Variants in RBFOX1 observed in about 807,000 individuals in gnomAD.
RBFOX1 encodes the protein RNA binding protein fox-1 homolog 1.
A neutral mutation model predicts 57.7 loss-of-function variants in RBFOX1; 8 were observed. The observed-to-expected ratio is 0.14, with a 90% CI of 0.08 to 0.25. The LOEUF is 0.25. Among genes scored for constraint, RBFOX1 ranks in the 10% least tolerant of loss-of-function variants. The pLI, the probability that RBFOX1 is intolerant of heterozygous loss-of-function variation, is 1.00. For missense variants in RBFOX1, 611 were observed against 548.5 expected (o/e 1.11, Z -1.14); for synonymous variants, 326 against 222.4 (o/e 1.47, Z -4.15).
At chr16:7,049,990 C>G (rs936242971) in intron 3 of RBFOX1, among the ~76,000 whole-genome samples, 8 of 152,126 alleles carry the variant, frequency 5.3e-5, no homozygotes, top group Admixed American at 1.3e-4. Context: ...AACCTCATAC[C>G]CATTAAGCAG....
chr16:6,239,687 G>T (rs2097529936), intron 1 of RBFOX1, among the ~76,000 whole-genome samples: 1 of 151,482 alleles, frequency 6.6e-6, no homozygotes, highest in East Asian at 1.9e-4. Context: ...TAGTAGAGAC[G>T]GGGGTTTCAC....
chr16:6,639,183 A>G (rs2098467219), intron 2 of RBFOX1, among the ~76,000 whole-genome samples: 2 of 152,204 alleles, frequency 1.3e-5, no homozygotes, highest in South Asian at 4.1e-4. Flanking sequence ...AGCTCTGTTG[A>G]CCTTCAGCTG....
chr16:5,678,487 G>A (rs1416621409), intron 3 of RBFOX1, among the ~76,000 whole-genome samples: 2 of 152,196 alleles, frequency 1.3e-5, no homozygotes, highest in African/African-American at 4.8e-5. Flanking sequence ...CAAGCGGGTA[G>A]GGCAAGGTCT....
In RBFOX1 at chr16:7,215,705, T is replaced by C. The variant is rs117837300; in HGVS notation, c.27+163607T>C. Among the ~76,000 whole-genome samples, 495 of 149,954 alleles carry C rather than the reference T, an allele frequency of 3.3e-3. 3 individuals are homozygous for C. The highest frequency in any genetic ancestry group is 6.2e-3 in the Non-Finnish European group (422 of 67,794). On this transcript the variant is annotated intron_variant, in intron 4 of 15. Coordinates refer to ENST00000550418, the MANE Select transcript of RBFOX1 (RefSeq NM_018723.4). ...CCACCACTAATCTATTTTCTATCTC[T>C]AAGAATTGGCCTATTCTGGATTTTT...
At chr16:5,727,208 G>A (rs999789567) in intron 3 of RBFOX1, among the ~76,000 whole-genome samples, 1 of 152,150 alleles carries the variant, frequency 6.6e-6, no homozygotes, top group African/African-American at 2.4e-5. Context: ...GGAGACAGAG[G>A]TGGCAGTGAG....
At chr16:6,630,627 C>A (rs1324096891) in intron 2 of RBFOX1, among the ~76,000 whole-genome samples, 5 of 152,100 alleles carry the variant, frequency 3.3e-5, no homozygotes, top group Admixed American at 1.3e-4. Flanking sequence ...ATCAGAAACC[C>A]AATTTGGGCC....
chr16:5,691,598 A>G (rs186657443), intron 3 of RBFOX1, among the ~76,000 whole-genome samples: 1 of 152,302 alleles, frequency 6.6e-6, no homozygotes, highest in Non-Finnish European at 1.5e-5. Context: ...TTTGCATTAT[A>G]CTTATCAGTT....
chr16:5,615,829 G>C (rs910005446), intron 3 of RBFOX1, among the ~76,000 whole-genome samples: 1 of 152,210 alleles, frequency 6.6e-6, no homozygotes, highest in Non-Finnish European at 1.5e-5. Flanking sequence ...GTTAGCAATG[G>C]GGTCTTCAAT....
At chr16:6,245,778 A>G (rs544694507) in intron 1 of RBFOX1, among the ~76,000 whole-genome samples, 3 of 152,332 alleles carry the variant, frequency 2.0e-5, no homozygotes, top group South Asian at 4.1e-4. Context: ...TGAAACAAGA[A>G]TTTAAACCAA....
intron 3 of RBFOX1, among the ~76,000 whole-genome samples, chr16:6,961,177 G>C (rs2153547425): frequency 2.0e-5 from 1 of 49,024 alleles, no homozygotes; most frequent in African/African-American, 6.9e-5. Flanking sequence ...AAGAAAGAAA[G>C]AAAAAAGAAA....
chr16:5,987,593 C>G (rs1188192656), intron 4 of RBFOX1, among the ~76,000 whole-genome samples: 1 of 152,036 alleles, frequency 6.6e-6, no homozygotes, highest in African/African-American at 2.4e-5. Context: ...TTTCTAGGTA[C>G]TCGGGAGGCA....
intron 1 of RBFOX1, among the ~76,000 whole-genome samples, chr16:6,310,914 A>G (rs2080189302): frequency 7.4e-6 from 1 of 134,756 alleles, no homozygotes; most frequent in African/African-American, 2.9e-5. Context: ...AAAAAAAAAA[A>G]AAAAAAGAAC....
At chr16:5,919,739 C>T (rs1370208502) in intron 4 of RBFOX1, among the ~76,000 whole-genome samples, 4 of 152,130 alleles carry the variant, frequency 2.6e-5, no homozygotes, top group South Asian at 2.1e-4. Flanking sequence ...TTCATTTCTC[C>T]AAAGGAAACC....
rs1281537423 is a variant in RBFOX1, at chr16:6,671,622, C to T, written c.-16+16972C>T. 2.0e-5 allele frequency among the ~76,000 whole-genome samples: 3 copies of T among 152,146 alleles called. 1 individual carries two copies. The highest frequency in any genetic ancestry group is 4.4e-5 in the Non-Finnish European group (3 of 68,038). On this transcript the variant is annotated intron_variant, in intron 3 of 15. Transcript: ENST00000550418. ...TTCTATCCCTCACCTGCTCCCCACCCTTTCCGCCTGAGTCCCCAAAGTCCG... is the reference window on the plus strand; with the variant it reads ...TTCTATCCCTCACCTGCTCCCCACCTTTTCCGCCTGAGTCCCCAAAGTCCG...
In RBFOX1 at chr16:6,228,269, G is replaced by A. The variant is rs2097432242; in HGVS notation, c.-126-88726G>A. On this transcript the variant is annotated intron_variant, in intron 1 of 15. Transcript: ENST00000550418. ...ACCTGGGAGGCAGAGGTTGCGGTGA[G>A]CTGAGATCATGCCACTGCCCTCCAG... Among the ~76,000 whole-genome samples, 4 of 152,236 alleles carry A rather than the reference G, an allele frequency of 2.6e-5. No homozygotes were observed. In the South Asian group the frequency reaches 8.3e-4, roughly 32 times the overall value.
At position 6,626,142 on chromosome 16, in the gene RBFOX1, T is replaced by TG. The variant is rs1006243766; in HGVS notation, c.-63-28461_-63-28460insG. 4.2e-4 allele frequency among the ~76,000 whole-genome samples: 63 copies of TG among 151,802 alleles called. 1 individual carries two copies. Among genetic ancestry groups the TG allele is most frequent in the Non-Finnish European group, 2.9e-5 (2 of 67,926 alleles). ...ATCAAGGCCTAAAATTCTGCAGGTTTTTTTTTTTTTTTTTCCCAAATTGCA... is the reference window on the plus strand; with the variant it reads ...ATCAAGGCCTAAAATTCTGCAGGTTTGTTTTTTTTTTTTTTCCCAAATTGCA... On this transcript the variant is annotated intron_variant, in intron 2 of 15. Coordinates refer to ENST00000550418, the MANE Select transcript of RBFOX1 (RefSeq NM_018723.4).
chr16:6,099,732 G>C (rs960124240), intron 1 of RBFOX1, among the ~76,000 whole-genome samples: 1 of 152,196 alleles, frequency 6.6e-6, no homozygotes, highest in African/African-American at 2.4e-5. Context: ...AGAGGAGACT[G>C]TATACAGGAA....
At chr16:6,305,562 G>C (rs1048474332) in intron 1 of RBFOX1, among the ~76,000 whole-genome samples, 2 of 150,892 alleles carry the variant, frequency 1.3e-5, no homozygotes, top group Non-Finnish European at 2.9e-5. Flanking sequence ...TTTTACCTGT[G>C]TCTCAAGGCC....
intron 4 of RBFOX1, among the ~76,000 whole-genome samples, chr16:5,982,044 G>A (rs921442763): frequency 6.6e-6 from 1 of 152,142 alleles, no homozygotes; most frequent in Non-Finnish European, 1.5e-5. Context: ...CTGTCAAAAG[G>A]CCAGGACACA....
Sources: allele counts gnomAD v4.1 joint callset (sites outside exome capture counted in the v4.1 genomes callset), GRCh38; gene constraint gnomAD v4.1.1; transcripts MANE v1.5; gene names NCBI Gene and HGNC (gene_info 2026-07-23, HGNC 2026-07-21).